WDPCP: variants seen among roughly 807,000 people sequenced by gnomAD.
The protein encoded by WDPCP is WD repeat-containing and planar cell polarity effector protein fritz homolog.
WDPCP carries 71 observed loss-of-function variants against 93.1 expected under a neutral mutation model. The observed-to-expected ratio is 0.76, with a 90% CI of 0.63 to 0.93. The LOEUF (loss-of-function observed/expected upper bound fraction) is 0.93, where lower values mean the gene tolerates loss of function less well. WDPCP is among the 40% of genes least tolerant of loss of function. The probability of loss-of-function intolerance (pLI) is 0.00; values close to 1 mark genes in which losing one functional copy is unlikely to be tolerated. For synonymous variants in WDPCP, 315 were observed against 315.0 expected, an observed-to-expected ratio of 1.00 and a Z score of 0.00; for missense variants, 844 against 887.4, an observed-to-expected ratio of 0.95 and a Z score of 0.62.
chr2:63,239,083 T>C (rs1004009861), intron 14 of WDPCP, among the ~76,000 whole-genome samples: 2 of 152,240 alleles, frequency 1.3e-5, no homozygotes, highest in African/African-American at 2.4e-5. Flanking sequence ...GTTGCTGACA[T>C]CTATATTCTT....
At chr2:63,571,934 G>A (rs1707537057) in intron 1 of WDPCP, among the ~76,000 whole-genome samples, 1 of 152,048 alleles carries the variant, frequency 6.6e-6, no homozygotes, top group African/African-American at 2.4e-5. Flanking sequence ...CATCTGCCCA[G>A]ACACATAATC....
intron 12 of WDPCP, among the ~76,000 whole-genome samples, chr2:63,350,476 C>CAA (rs33962210): frequency 1.4e-5 from 2 of 144,012 alleles, no homozygotes; most frequent in Non-Finnish European, 3.0e-5. Context: ...CAACGAAACC[C>CAA]AAAAAAAAAA....
At chr2:63,492,119 T>C (rs759027785) in intron 2 of WDPCP, among the ~76,000 whole-genome samples, 1 of 152,212 alleles carries the variant, frequency 6.6e-6, no homozygotes, top group African/African-American at 2.4e-5. Context: ...CTATATTTAA[T>C]ATGAAGAAAC....
intron 13 of WDPCP, among the ~76,000 whole-genome samples, chr2:63,296,708 T>C (rs148099918): frequency 7.8e-4 from 119 of 152,218 alleles, no homozygotes; most frequent in African/African-American, 2.6e-3. Flanking sequence ...CCATAAAAAT[T>C]AAAATACCTA....
At chr2:63,648,087 C>G (rs1032758933) in intron 3 of WDPCP, among the ~76,000 whole-genome samples, 5 of 152,208 alleles carry the variant, frequency 3.3e-5, no homozygotes, top group African/African-American at 1.2e-4. Flanking sequence ...CTGGTTAAGA[C>G]AGCCCGTCTG....
chr2:63,662,647 G>C (rs1710238367), intron 2 of WDPCP, among the ~76,000 whole-genome samples: 2 of 122,490 alleles, frequency 1.6e-5, no homozygotes, highest in South Asian at 4.5e-4. Flanking sequence ...TCCAGAGAGA[G>C]AGAGAGAGAG....
At chr2:63,351,374 C>T (rs1689600671) in intron 12 of WDPCP, among the ~76,000 whole-genome samples, 1 of 151,816 alleles carries the variant, frequency 6.6e-6, no homozygotes, top group African/African-American at 2.4e-5. Flanking sequence ...ATCCCATCAC[C>T]CATGTAGTGA....
At chr2:63,686,238 G>T (rs183572620) in intron 2 of WDPCP, among the ~76,000 whole-genome samples, 1 of 152,176 alleles carries the variant, frequency 6.6e-6, no homozygotes, top group Admixed American at 6.5e-5. Flanking sequence ...ACTGATGAAC[G>T]AATTCAGTAA....
intron 14 of WDPCP, among the ~76,000 whole-genome samples, chr2:63,175,664 G>A (rs181082537): frequency 6.6e-6 from 1 of 152,248 alleles, no homozygotes; most frequent in East Asian, 1.9e-4. Flanking sequence ...TTTAGATCTT[G>A]TATAAGTGGT....
chr2:63,739,487 T>A (rs1160629575), intron 2 of WDPCP, among the ~76,000 whole-genome samples: 2 of 152,164 alleles, frequency 1.3e-5, no homozygotes, highest in African/African-American at 4.8e-5. Context: ...ACAATGAACA[T>A]TCGGATGCAT....
intron 14 of WDPCP, among the ~76,000 whole-genome samples, chr2:63,191,040 A>G (rs1207328975): frequency 6.6e-6 from 1 of 152,218 alleles, no homozygotes; most frequent in East Asian, 1.9e-4. Context: ...TTCAGTTTAT[A>G]GATGTTTGAT....
chr2:63,575,403 A>ATACACTG lies in WDPCP; in HGVS notation c.75+12793_75+12794insCAGTGTA, dbSNP rs1558831900. Among the ~76,000 whole-genome samples the ATACACTG allele has an allele frequency of 3.4e-3, 392 of 116,670 alleles. 53 individuals carry two copies. The highest frequency in any genetic ancestry group is 0.021 in the Middle Eastern group (4 of 190). 76.5% of individuals were successfully genotyped at this position (116,670 alleles called of 152,430 possible). ...AGTATATACACGGTATATACAGTATATATACAGTATATACACTGTATACAG... is the reference window on the plus strand; with the variant it reads ...AGTATATACACGGTATATACAGTATATACACTGTATACAGTATATACACTGTATACAG... On this transcript the variant is annotated intron_variant, in intron 1 of 17. Transcript: ENST00000272321.
At chr2:63,675,061 T>C (rs1271615894) in intron 2 of WDPCP, among the ~76,000 whole-genome samples, 1 of 151,680 alleles carries the variant, frequency 6.6e-6, no homozygotes, top group Admixed American at 6.6e-5. Flanking sequence ...GGTCTTGGGG[T>C]TCCTTTTGAA....
intron 2 of WDPCP, among the ~76,000 whole-genome samples, chr2:63,753,841 G>A (rs80132025): frequency 0.012 from 1,863 of 152,304 alleles, 16 homozygotes; most frequent in Non-Finnish European, 0.015. Flanking sequence ...GGAAGTACCT[G>A]AGAAGAGGAT....
chr2:63,192,041 A>G (rs938806238), intron 14 of WDPCP, among the ~76,000 whole-genome samples: 2 of 152,204 alleles, frequency 1.3e-5, no homozygotes, highest in Non-Finnish European at 2.9e-5. Flanking sequence ...ATGCAGAACA[A>G]AAGGAAAAGC....
At chr2:63,204,100 A>G (rs1676135174) in intron 14 of WDPCP, among the ~76,000 whole-genome samples, 1 of 152,036 alleles carries the variant, frequency 6.6e-6, no homozygotes, top group Non-Finnish European at 1.5e-5. Flanking sequence ...TGGTAGCTCT[A>G]TTTTTAGTTT....
chr2:63,501,705 C>T (rs1365623918), intron 1 of WDPCP, among the ~76,000 whole-genome samples: 7 of 116,468 alleles, frequency 6.0e-5, no homozygotes, highest in African/African-American at 1.9e-4. Context: ...CAACTTCCAC[C>T]TCCCGGATTC....
At chr2:63,545,106 T>A (rs998015194) in intron 1 of WDPCP, among the ~76,000 whole-genome samples, 1 of 152,154 alleles carries the variant, frequency 6.6e-6, no homozygotes, top group African/African-American at 2.4e-5. Flanking sequence ...TTATCTACAC[T>A]TGGGAGAGCC....
chr2:63,833,167 C>T, the WDPCP span, among the ~76,000 whole-genome samples: 35 of 152,256 alleles, frequency 2.3e-4, no homozygotes, highest in Non-Finnish European at 3.8e-4. Context: ...GCAGGAGAAT[C>T]GCTTAAACCC....
Sources: allele counts gnomAD v4.1 joint callset (sites outside exome capture counted in the v4.1 genomes callset), GRCh38; gene constraint gnomAD v4.1.1; transcripts MANE v1.5; gene names NCBI Gene and HGNC (gene_info 2026-07-23, HGNC 2026-07-21).